The following FAM174A variants were observed in gnomAD, a reference collection of about 807,000 sequenced individuals.
FAM174A encodes family with sequence similarity 174 member A.
In FAM174A, 14 loss-of-function variants were observed where a neutral mutation model predicts 14.3. The observed-to-expected ratio is 0.98, with a 90% CI of 0.65 to 1.53. FAM174A has a LOEUF of 1.53. Among genes scored for constraint, FAM174A ranks in the 40% most tolerant of loss-of-function variants. The pLI is 0.00. For missense variants in FAM174A, 241 were observed against 249.6 expected (o/e 0.97, Z 0.23); for synonymous variants, 108 against 111.4 (o/e 0.97, Z 0.19).
intron 2 of FAM174A, among the ~76,000 whole-genome samples, chr5:100,575,804 C>A (rs754111623): frequency 3.9e-5 from 6 of 152,140 alleles, no homozygotes; most frequent in Non-Finnish European, 7.3e-5. Flanking sequence ...AGGCTAATAT[C>A]TAGAATCTAC....
At chr5:100,575,578 A>T (rs969812634) in intron 2 of FAM174A, among the ~76,000 whole-genome samples, 6 of 152,122 alleles carry the variant, frequency 3.9e-5, no homozygotes, top group African/African-American at 1.4e-4. Context: ...AACCATAAAA[A>T]CCCTAGAAGA....
intron 1 of FAM174A, among the ~76,000 whole-genome samples, chr5:100,545,430 G>T (rs1746146436): frequency 6.6e-6 from 1 of 151,986 alleles, no homozygotes; most frequent in Non-Finnish European, 1.5e-5. Context: ...TCTGGAAGAA[G>T]AAAGTGGTAT....
At chr5:100,576,266 A>G (rs1746902462) in intron 2 of FAM174A, among the ~76,000 whole-genome samples, 2 of 152,216 alleles carry the variant, frequency 1.3e-5, no homozygotes, top group South Asian at 2.1e-4. Context: ...TTTTCATGTA[A>G]CAGAATGTCA....
At chr5:100,563,356 A>G (rs1027305365) in intron 2 of FAM174A, among the ~76,000 whole-genome samples, 2 of 151,292 alleles carry the variant, frequency 1.3e-5, no homozygotes, top group South Asian at 2.1e-4. Flanking sequence ...TGCTAAATTT[A>G]TATCAGACAA....
chr5:100,541,185 G>T lies in FAM174A; in HGVS notation c.434+5221G>T, dbSNP rs188889721. ...ATATTAGGGCTTCAAAGATAATAAAGACATCATATTTGTGTTCAAGGAGCT... is the reference window on the plus strand; with the variant it reads ...ATATTAGGGCTTCAAAGATAATAAATACATCATATTTGTGTTCAAGGAGCT... On this transcript the variant is annotated intron_variant, in intron 1 of 2. Coordinates refer to ENST00000312637, the MANE Select transcript of FAM174A (RefSeq NM_198507.3). 1.3e-3 allele frequency among the ~76,000 whole-genome samples: 191 copies of T among 152,224 alleles called. 2 individuals carry two copies. Among genetic ancestry groups the T allele is most frequent in the African/African-American group, 4.3e-3 (177 of 41,528 alleles).
intron 2 of FAM174A, among the ~76,000 whole-genome samples, chr5:100,565,296 A>C (rs1746619193): frequency 6.6e-6 from 1 of 151,932 alleles, no homozygotes; most frequent in African/African-American, 2.4e-5. Flanking sequence ...AGCATTTGAC[A>C]GTGCTATCCA....
intron 1 of FAM174A, among the ~76,000 whole-genome samples, chr5:100,549,483 C>T (rs1226754921): frequency 1.3e-5 from 2 of 152,054 alleles, no homozygotes; most frequent in Non-Finnish European, 2.9e-5. Flanking sequence ...ATGCCTTCAA[C>T]AGGAGACAAA....
chr5:100,575,397 G>GTC (rs1746881192), intron 2 of FAM174A, among the ~76,000 whole-genome samples: 1 of 151,766 alleles, frequency 6.6e-6, no homozygotes, highest in East Asian at 1.9e-4. Flanking sequence ...GCTATCCCTC[G>GTC]TCTCTCCCCC....
chr5:100,586,231 T>A lies in FAM174A; in HGVS notation c.*47T>A, dbSNP rs755227846. 2.9e-6 allele frequency: 4 copies of A among 1,374,990 alleles called. No homozygotes were observed. Among genetic ancestry groups the A allele is most frequent in the Non-Finnish European group, 4.0e-6 (4 of 997,990 alleles). 85.2% of individuals were successfully genotyped at this position (1,374,990 alleles called of 1,614,324 possible). ...AACTTTATCTTTCTACAATGAAGAG[T>A]GGAATTTCTATGTTTAAGGAATAAG... On this transcript the variant is annotated 3_prime_UTR_variant, in exon 3 of 3. Coordinates refer to ENST00000312637, the MANE Select transcript of FAM174A (RefSeq NM_198507.3).
chr5:100,571,651 T>G (rs762463354), intron 2 of FAM174A, among the ~76,000 whole-genome samples: 1 of 139,014 alleles, frequency 7.2e-6, no homozygotes, highest in Non-Finnish European at 1.5e-5. Flanking sequence ...ATATATAAAG[T>G]ATATACCTAA....
intron 2 of FAM174A, among the ~76,000 whole-genome samples, chr5:100,575,175 G>A (rs989298755): frequency 6.6e-6 from 1 of 151,856 alleles, no homozygotes; most frequent in South Asian, 2.1e-4. Flanking sequence ...CCAAAATAAA[G>A]CATATAAGTA....
rs376366709 is a variant in FAM174A at position 100,562,049 on chromosome 5, G to A, written c.435-5G>A. On this transcript the variant is annotated splice_polypyrimidine_tract_variant and splice_region_variant and intron_variant, in intron 1 of 2. Coordinates refer to ENST00000312637, the MANE Select transcript of FAM174A (RefSeq NM_198507.3). Reference sequence around the variant, plus strand: ...TTTTATTCATTAATTTGTTCTATTTGATAGGATGAGAAGAAGAAACCGAAA... The same window carrying A: ...TTTTATTCATTAATTTGTTCTATTTAATAGGATGAGAAGAAGAAACCGAAA... 9 of 1,521,064 alleles carry A rather than the reference G, an allele frequency of 5.9e-6. No homozygotes were observed. Among genetic ancestry groups the A allele is most frequent in the Non-Finnish European group, 7.1e-6 (8 of 1,121,060 alleles). 94.2% of individuals were successfully genotyped at this position (1,521,064 alleles called of 1,614,324 possible).
intron 1 of FAM174A, among the ~76,000 whole-genome samples, chr5:100,538,285 A>G (rs1745978567): frequency 6.6e-6 from 1 of 152,150 alleles, no homozygotes; most frequent in Non-Finnish European, 1.5e-5. Context: ...TATTTGTGCC[A>G]AGGGAGAAGA....
intron 1 of FAM174A, among the ~76,000 whole-genome samples, chr5:100,542,170 T>C (rs956032024): frequency 3.3e-5 from 5 of 152,200 alleles, no homozygotes; most frequent in African/African-American, 1.2e-4. Flanking sequence ...GGGTGATCCA[T>C]CCAAAATTCA....
At chr5:100,565,762 C>T (rs574802830) in intron 2 of FAM174A, among the ~76,000 whole-genome samples, 5 of 151,638 alleles carry the variant, frequency 3.3e-5, no homozygotes, top group South Asian at 4.2e-4. Context: ...TGTATTAGTC[C>T]GTTTTCATAC....
Position 100,575,746 on chromosome 5 carries a change from G to C in FAM174A, c.570-10435G>C, listed in dbSNP as rs1014147223. Among the ~76,000 whole-genome samples the C allele has an allele frequency of 2.6e-5, 4 of 152,038 alleles. No individual in the cohort carries two copies. The East Asian group carries it at 7.7e-4, about 29-fold the overall frequency. ...AGAAACTACCATCAGAGTGAACAGG[G>C]AACCTACAGAATGGGAGAAAATTTT... On this transcript the variant is annotated intron_variant, in intron 2 of 2. Transcript: ENST00000312637.
In FAM174A at chr5:100,562,197, T is replaced by C; in HGVS notation, c.569+9T>C. Reference sequence around the variant, plus strand: ...GCCAATCATCCTCGAAGGTAAGTATTCCAGTAGTTTAATTCCATGAATCAG... The same window carrying C: ...GCCAATCATCCTCGAAGGTAAGTATCCCAGTAGTTTAATTCCATGAATCAG... On this transcript the variant is annotated intron_variant, in intron 2 of 2. Transcript: ENST00000312637. 6.4e-7 allele frequency: 1 copy of C among 1,565,562 alleles called. No individual in the cohort carries two copies. The highest frequency in any genetic ancestry group is 1.2e-5 in the South Asian group (1 of 83,954).
At chr5:100,551,776 C>A (rs1746267954) in intron 1 of FAM174A, among the ~76,000 whole-genome samples, 1 of 152,070 alleles carries the variant, frequency 6.6e-6, no homozygotes, top group Non-Finnish European at 1.5e-5. Flanking sequence ...TGTTCTGGGC[C>A]TCTCTTGATC....
chr5:100,566,141 GATATATATATATATAT>G lies in FAM174A; in HGVS notation c.569+3968_569+3983del, dbSNP rs60895683. ...ACAGATAAATGAATTTGAAAAGTAT[GATATATATATATATAT>G]ATATATATATATATGTACATATAAT... On this transcript the variant is annotated intron_variant, in intron 2 of 2. Coordinates refer to ENST00000312637, the MANE Select transcript of FAM174A (RefSeq NM_198507.3). Among the ~76,000 whole-genome samples, 52 of 81,802 alleles carry G rather than the reference GATATATATATATATAT, an allele frequency of 6.4e-4. No individual in the cohort carries two copies. In the South Asian group the frequency reaches 6.5e-3, roughly 10 times the overall value. The allele number at this position is 81,802 out of a possible 152,430, so 53.7% of individuals were successfully genotyped here.
Sources: gnomAD v4.1 joint callset for allele counts (sites outside exome capture counted in the v4.1 genomes callset) on GRCh38, gnomAD v4.1.1 for gene constraint, MANE v1.5 for transcripts, NCBI Gene and HGNC (gene_info 2026-07-23, HGNC 2026-07-21) for gene names.